Variants in EHD2 observed in about 807,000 individuals in gnomAD.
EHD2 encodes the protein EH domain containing 2, also known as EH domain-containing protein 2.
A neutral mutation model predicts 41.0 loss-of-function variants in EHD2; 27 were observed. That is an observed-to-expected ratio of 0.66 (90% confidence interval 0.49 to 0.91). EHD2 has a LOEUF of 0.91. Among genes scored for constraint, EHD2 ranks in the 40% least tolerant of loss-of-function variants. The probability of loss-of-function intolerance (pLI) is 0.00; values close to 1 mark genes in which losing one functional copy is unlikely to be tolerated. For missense variants in EHD2, 673 were observed against 773.9 expected, an observed-to-expected ratio of 0.87 and a Z score of 1.55; for synonymous variants, 342 against 341.0, an observed-to-expected ratio of 1.00 and a Z score of -0.03.
intron 3 of EHD2, among the ~76,000 whole-genome samples, chr19:47,723,151 C>G (rs753952828): frequency 2.3e-4 from 35 of 152,306 alleles, no homozygotes; most frequent in Admixed American, 5.9e-4. Flanking sequence ...CCTGCCCACC[C>G]TGGGCTGACC....
chr19:47,727,400 A>C (rs765186361), intron 4 of EHD2, among the ~76,000 whole-genome samples: 14 of 151,978 alleles, frequency 9.2e-5, no homozygotes, highest in Non-Finnish European at 1.8e-4. Context: ...CCAGGCCCAC[A>C]AGTATTTCTG....
At chr19:47,735,297 C>T (rs183720377) in intron 4 of EHD2, among the ~76,000 whole-genome samples, 2 of 152,172 alleles carry the variant, frequency 1.3e-5, no homozygotes, top group East Asian at 3.9e-4. Flanking sequence ...CGGGAGTGGA[C>T]CTCTTGGAGG....
intron 4 of EHD2, chr19:47,733,010 G>A (rs1568592293): frequency 6.6e-6 from 1 of 151,644 alleles, no homozygotes; most frequent in Non-Finnish European, 1.5e-5. Context: ...TTGAACCCAG[G>A]AGGCAGAGGT....
At chr19:47,725,722 T>C (rs1973743440) in intron 3 of EHD2, 90 bp from the exon 4 acceptor site, 2 of 1,474,030 alleles carry the variant, frequency 1.4e-6, no homozygotes, top group Non-Finnish European at 1.8e-6. Context: ...CAGTCCAATA[T>C]GCAAGAGAAT....
At chr19:47,740,576 T>G (rs1176370730) in intron 5 of EHD2, among the ~76,000 whole-genome samples, 1 of 151,852 alleles carries the variant, frequency 6.6e-6, no homozygotes, top group Non-Finnish European at 1.5e-5. Flanking sequence ...TGAAACGCTG[T>G]CTCTATTAAA....
At position 47,725,870 on chromosome 19, in the gene EHD2, GCT is replaced by G; in HGVS notation, c.564_565del (p.Phe189Ter). 1 of 1,612,788 alleles carries G rather than the reference GCT, an allele frequency of 6.2e-7. No individual in the cohort carries two copies. Among genetic ancestry groups the G allele is most frequent in the Non-Finnish European group, 8.5e-7 (1 of 1,178,958 alleles). On this transcript the variant is annotated frameshift_variant, in exon 4 of 6. Coordinates refer to ENST00000263277, the MANE Select transcript of EHD2 (RefSeq NM_014601.4). LOFTEE classifies it high-confidence loss of function. The stretch of plus-strand genomic sequence containing the variant: ...CGGAGCGCGTGGACCTCATCATCCT[GCT>G]CTTTGATGCGCACAAGCTGGAGATC... ...FAERVDLIILLFDAHKLEISD... is the reference protein window; with the variant it reads ...FAERVDLIILXFDAHKLEISD...
intron 4 of EHD2, among the ~76,000 whole-genome samples, chr19:47,734,008 A>G (rs1966896750): frequency 6.6e-6 from 1 of 152,176 alleles, no homozygotes; most frequent in African/African-American, 2.4e-5. Flanking sequence ...CCCTGGGCTC[A>G]TGTTCCTTCC....
chr19:47,718,816 AG>A (rs1315104134), intron 3 of EHD2, among the ~76,000 whole-genome samples: 3 of 40,272 alleles, frequency 7.4e-5, no homozygotes, highest in South Asian at 9.6e-4. Flanking sequence ...GGTCTGAGGG[AG>A]GAGGGGCTGG....
intron 4 of EHD2, chr19:47,729,794 C>G (rs1973789895): frequency 6.6e-6 from 1 of 152,492 alleles, no homozygotes; most frequent in African/African-American, 2.4e-5. Context: ...GCTCCTCTGC[C>G]CAGGCGGCTC....
rs1159928209 is a variant in EHD2, at chr19:47,715,133, G to T, written c.-55-1425G>T. Among the ~76,000 whole-genome samples the T allele has an allele frequency of 3.9e-5, 6 of 152,044 alleles. No individual in the cohort carries two copies. The East Asian group carries it at 7.7e-4, about 20-fold the overall frequency. ...GATGATAATAGACCTACTTTACAGG[G>T]TTATAAATGTTAAGTGAGTTAGTAC... On this transcript the variant is annotated intron_variant, in intron 1 of 5. Coordinates refer to ENST00000263277, the MANE Select transcript of EHD2 (RefSeq NM_014601.4).
chr19:47,722,496 A>G (rs1237508520), intron 3 of EHD2, among the ~76,000 whole-genome samples: 1 of 151,954 alleles, frequency 6.6e-6, no homozygotes, highest in East Asian at 1.9e-4. Flanking sequence ...CCGGAGGAGC[A>G]TAGGGGCCCA....
At chr19:47,732,664 TC>T (rs1003169639) in intron 4 of EHD2, among the ~76,000 whole-genome samples, 1 of 150,910 alleles carries the variant, frequency 6.6e-6, no homozygotes, top group African/African-American at 2.4e-5. Context: ...CAAGTGATCC[TC>T]CCCCCTTGGC....
chr19:47,734,644 T>G (rs1439436325), intron 4 of EHD2, among the ~76,000 whole-genome samples: 1 of 148,614 alleles, frequency 6.7e-6, no homozygotes, highest in Non-Finnish European at 1.5e-5. Context: ...ACTCGAGAGG[T>G]AGAGGCAGGA....
At chr19:47,720,591 G>A (rs1376015616) in intron 3 of EHD2, among the ~76,000 whole-genome samples, 1 of 152,092 alleles carries the variant, frequency 6.6e-6, no homozygotes, top group East Asian at 1.9e-4. Context: ...GTGTGAGAGA[G>A]ACAGACATAA....
Position 47,726,013 on chromosome 19 carries a change from C to G in EHD2, c.704C>G (p.Ala235Gly), listed in dbSNP as rs1973747593. 1.2e-6 allele frequency: 2 copies of G among 1,604,020 alleles called. No homozygotes were observed. The highest frequency in any genetic ancestry group is 1.7e-6 in the Non-Finnish European group (2 of 1,174,422). ...ETQQLMRVYGALMWALGKVVG... is the reference protein window; with the variant it reads ...ETQQLMRVYGGLMWALGKVVG... ...CAGCAGCTGATGCGCGTCTACGGCGCGCTCATGTGGGCGCTGGGCAAGGTG... is the reference window on the plus strand; with the variant it reads ...CAGCAGCTGATGCGCGTCTACGGCGGGCTCATGTGGGCGCTGGGCAAGGTG... The change falls in exon 4 of 6, where the codon GCG becomes GGG. Residue 235 changes from alanine (A) to glycine (G), a missense_variant. Physicochemically the swap from Ala to Gly is moderately conservative, Grantham distance 60 (BLOSUM62 0). Coordinates refer to ENST00000263277, the MANE Select transcript of EHD2 (RefSeq NM_014601.4).
chr19:47,724,822 C>G (rs1973732358), intron 3 of EHD2, among the ~76,000 whole-genome samples: 1 of 151,604 alleles, frequency 6.6e-6, no homozygotes, highest in African/African-American at 2.4e-5. Context: ...ACTAAAAATA[C>G]AGAAATTAGC....
At chr19:47,715,100 A>C (rs1265562309) in intron 1 of EHD2, among the ~76,000 whole-genome samples, 1 of 151,728 alleles carries the variant, frequency 6.6e-6, no homozygotes, top group African/African-American at 2.4e-5. Context: ...AAAGCAAAGC[A>C]AAGCAGGGAT....
chr19:47,736,533 G>A lies in EHD2; in HGVS notation c.1080G>A (p.Gln360=). 6.3e-7 allele frequency: 1 copy of A among 1,586,560 alleles called. No individual in the cohort carries two copies. Among genetic ancestry groups the A allele is most frequent in the Non-Finnish European group, 8.6e-7 (1 of 1,166,230 alleles). Residue 360 remains glutamine, a splice_region_variant and synonymous_variant, in exon 5 of 6, where the codon CAG becomes CAA. Transcript: ENST00000263277. The part of the protein sequence containing the change: ...PGDFPDCQKM[Q]ELLMAHDFTK... ...ACTTTCCTGATTGCCAGAAAATGCAGGTGGGAAGCTGCCCAGGAGGGAATG... is the reference window on the plus strand; with the variant it reads ...ACTTTCCTGATTGCCAGAAAATGCAAGTGGGAAGCTGCCCAGGAGGGAATG...
At chr19:47,730,040 G>A (rs1401996679) in intron 4 of EHD2, among the ~76,000 whole-genome samples, 2 of 152,024 alleles carry the variant, frequency 1.3e-5, no homozygotes, top group East Asian at 3.9e-4. Context: ...GTCCCTTGGC[G>A]GGAGCTGGAG....
Sources: allele counts gnomAD v4.1 joint callset (sites outside exome capture counted in the v4.1 genomes callset), GRCh38; gene constraint gnomAD v4.1.1; transcripts MANE v1.5; gene names NCBI Gene and HGNC (gene_info 2026-07-23, HGNC 2026-07-21).